Variants in TTN observed in about 807,000 individuals in gnomAD.
The protein encoded by TTN is connectin.
TTN carries 1,525 observed loss-of-function variants against 3,223.0 expected under a neutral mutation model. The observed-to-expected ratio is 0.47, with a 90% confidence interval of 0.45 to 0.49. The LOEUF (loss-of-function observed/expected upper bound fraction) is 0.49, where lower values mean the gene tolerates loss of function less well. Ranked by LOEUF, TTN falls within the 20% of genes least tolerant of loss-of-function variation. The pLI, the probability that TTN is intolerant of heterozygous loss-of-function variation, is 0.00. For missense variants in TTN, 40,786 were observed against 43,424.0 expected, an observed-to-expected ratio of 0.94 and a Z score of 5.40; for synonymous variants, 14,094 against 15,161.0, an observed-to-expected ratio of 0.93 and a Z score of 5.17.
chr2:178,726,169 C>G (rs929972159), intron 69 of TTN, 123 bp from the exon 70 acceptor site: 1 of 1,152,446 alleles, frequency 8.7e-7, no homozygotes. Context: ...GAGTCCAGCA[C>G]TAACACTCTC....
rs1704206132 is a variant in TTN, at chr2:178,562,903, C to T, written c.83229G>A (p.Arg27743=). ...IDNVTRFDSG[R]YNLTLENNSG... ...TATTATTTTCTAATGTCAGATTATA[C>T]CGACCACTGTCAAATCTGGTAACAT... Residue 27743 remains arginine, a synonymous_variant, in exon 326 of 363, where the codon CGG becomes CGA. Coordinates refer to ENST00000589042, the MANE Select transcript of TTN (RefSeq NM_001267550.2). 3 of 1,613,462 alleles carry T rather than the reference C, an allele frequency of 1.9e-6. No homozygotes were observed. The highest frequency in any genetic ancestry group is 2.5e-6 in the Non-Finnish European group (3 of 1,179,700).
At position 178,555,140 on chromosome 2, in the gene TTN, A is replaced by G. The variant is rs1700865316; in HGVS notation, c.88319T>C (p.Ile29440Thr). The G allele has an allele frequency of 1.2e-6, 2 of 1,607,218 alleles. No homozygotes were observed. Among genetic ancestry groups the G allele is most frequent in the Admixed American group, 1.7e-5 (1 of 58,358 alleles). The change falls in exon 331 of 363, where the codon ATT becomes ACT. Residue 29440 changes from isoleucine to threonine, a missense_variant. Physicochemically the swap from Ile to Thr is moderately conservative, Grantham distance 89. Transcript: ENST00000589042. ...TTCTGTATATTCTAGAGGCAAATCA[A>G]TTACAGGACCACCTGCAAGAAAAAC... ...TCIDSYGGPV[I>T]DLPLEYTEVV...
Position 178,547,088 on chromosome 2 carries a change from A to G in TTN, c.94437T>C (p.Tyr31479=), listed in dbSNP as rs1697532441. Residue 31479 remains tyrosine (Y), a synonymous_variant, in exon 340 of 363, where the codon TAT becomes TAC. Transcript: ENST00000589042. ...KVTGLVEGLE[Y]QFRTYALNAA... ...CATTGAGTGCATAAGTTCTGAACTG[A>G]TATTCCAGTCCTTCTACTAAACCAG... 2 of 1,613,726 alleles carry G rather than the reference A, an allele frequency of 1.2e-6. No individual in the cohort carries two copies. Among genetic ancestry groups the G allele is most frequent in the African/African-American group, 2.7e-5 (2 of 74,928 alleles).
At chr2:178,744,175 T>C (rs948034901) in intron 47 of TTN, among the ~76,000 whole-genome samples, 12 of 151,988 alleles carry the variant, frequency 7.9e-5, no homozygotes, top group Non-Finnish European at 2.9e-5. Flanking sequence ...GGTACTTAAA[T>C]ATTGCTAAAT....
In TTN at chr2:178,544,201, C is replaced by T. The variant is rs1296506046; in HGVS notation, c.96028G>A (p.Glu32010Lys). 1 of 1,612,332 alleles carries T rather than the reference C, an allele frequency of 6.2e-7. No homozygotes were observed. The highest frequency in any genetic ancestry group is 1.7e-5 in the Admixed American group (1 of 59,986). ...IAEIEPVERI[E>K]IPDLELADDL... Reference sequence around the variant, plus strand: ...ACCTAAAAGCTTCTGTGATAAATACCTATTCTTTCCACGGGCTCAATTTCA... The same window carrying T: ...ACCTAAAAGCTTCTGTGATAAATACTTATTCTTTCCACGGGCTCAATTTCA... The change falls in exon 345 of 363, where the codon GAA becomes AAA. Residue 32010 changes from glutamate (E) to lysine (K), a missense_variant and splice_region_variant. By Grantham distance (56) the Glu-to-Lys change is moderately conservative (BLOSUM62 1). Coordinates refer to ENST00000589042, the MANE Select transcript of TTN (RefSeq NM_001267550.2).
Position 178,730,760 on chromosome 2 carries a change from G to C in TTN, c.17773C>G (p.Leu5925Val), listed in dbSNP as rs750909367. ...LIIPPSFTKK[L>V]KKMDSIKGSF... ...CCTTTAATGCTGTCCATTTTCTTCA[G>C]CTTTTTGGTGAATGAAGGAGGTATG... Residue 5925 changes from leucine (L) to valine (V), a missense_variant, in exon 61 of 363, where the codon CTG becomes GTG. Physicochemically the swap from Leu to Val is conservative, Grantham distance 32. Transcript: ENST00000589042. 8.1e-6 allele frequency: 13 copies of C among 1,605,616 alleles called. No individual in the cohort carries two copies. Among genetic ancestry groups the C allele is most frequent in the Non-Finnish European group, 1.0e-5 (12 of 1,174,302 alleles).
At chr2:178,527,923 C>T (rs1439853152) in intron 361 of TTN, 175 bp from the exon 362 acceptor site, 1 of 587,280 alleles carries the variant, frequency 1.7e-6, no homozygotes, top group African/African-American at 1.9e-5. Flanking sequence ...AGAGCTAGCT[C>T]AATGTCTCCA....
chr2:178,571,833 T>C lies in TTN; in HGVS notation c.74299A>G (p.Thr24767Ala). 1 of 1,613,600 alleles carries C rather than the reference T, an allele frequency of 6.2e-7. No individual in the cohort carries two copies. Among genetic ancestry groups the C allele is most frequent in the Non-Finnish European group, 8.5e-7 (1 of 1,179,630 alleles). The stretch of plus-strand genomic sequence containing the variant: ...ATTGTCAGTAGTGAATTATTTTCTG[T>C]GCTCTCTGCATTTACTCTAGTTGTC... ...KQTTRVNAES[T>A]ENNSLLTIKD... Residue 24767 changes from threonine to alanine, a missense_variant, in exon 326 of 363, where the codon ACA (threonine) becomes GCA (alanine). Transcript: ENST00000589042.
intron 43 of TTN, among the ~76,000 whole-genome samples, chr2:178,762,214 G>GT (rs1328401582): frequency 1.3e-5 from 2 of 152,158 alleles, no homozygotes; most frequent in African/African-American, 4.8e-5. Context: ...ATGAAACTAT[G>GT]TGAGTTGGCA....
In TTN at chr2:178,590,235, A is replaced by G; in HGVS notation, c.61490T>C (p.Leu20497Pro). The change falls in exon 304 of 363, where the codon CTA becomes CCA. Residue 20497 changes from leucine (L) to proline (P), a missense_variant. Coordinates refer to ENST00000589042, the MANE Select transcript of TTN (RefSeq NM_001267550.2). ...TTCAGGTCTGCCTTTGACTCGAGCT[A>G]GAATGCGGATAGTTTGGCCTACTCT... ...TVRVGQTIRI[L>P]ARVKGRPEPD... 1.9e-6 allele frequency: 3 copies of G among 1,593,042 alleles called. No individual in the cohort carries two copies. Among genetic ancestry groups the G allele is most frequent in the South Asian group, 1.2e-5 (1 of 86,814 alleles).
rs376202976 is a variant in TTN, at chr2:178,543,962, A to G, written c.96182T>C (p.Ile32061Thr). ...CAATGAGTAGCTCTCAGTGGTGTCA[A>G]TAATTGCCCGGCTTGCAAGGTCAAT... ...QGIDLASRAI[I>T]DTTESYSLLI... Residue 32061 changes from isoleucine (I) to threonine (T), a missense_variant, in exon 346 of 363, where the codon ATT becomes ACT. By Grantham distance (89) the Ile-to-Thr change is moderately conservative. Transcript: ENST00000589042. 2.9e-5 allele frequency: 47 copies of G among 1,613,600 alleles called. No individual in the cohort carries two copies. Among genetic ancestry groups the G allele is most frequent in the Middle Eastern group, 1.6e-4 (1 of 6,078 alleles).
chr2:178,531,074 T>C lies in TTN; in HGVS notation c.105541A>G (p.Lys35181Glu), dbSNP rs903998878. Residue 35181 changes from lysine (K) to glutamate (E), a missense_variant, in exon 358 of 363, where the codon AAG becomes GAG. Transcript: ENST00000589042. Reference sequence around the variant, plus strand: ...GAGATCTCAAAGGTTGATTTGTACTTTGTGGTGGTCACTTGGTGGCGGGCA... The same window carrying C: ...GAGATCTCAAAGGTTGATTTGTACTCTGTGGTGGTCACTTGGTGGCGGGCA... ...TSARHQVTTTKYKSTFEISSV... is the reference protein window; with the variant it reads ...TSARHQVTTTEYKSTFEISSV... The C allele has an allele frequency of 6.2e-7, 1 of 1,613,910 alleles. No individual in the cohort carries two copies. The highest frequency in any genetic ancestry group is 1.3e-5 in the African/African-American group (1 of 74,934).
rs2082296296 is a variant in TTN, at chr2:178,740,457, C to T, written c.12776G>A (p.Ser4259Asn). The change falls in exon 48 of 363, where the codon AGT becomes AAT. Residue 4259 changes from serine to asparagine, a missense_variant. Transcript: ENST00000589042. ...RVTLQKQEAQ[S>N]ALILSQSLAE... ...TAAGCTCTGACTCAAGATGAGCGCACTTTGTGCCTCTTGCTTTTGAAGAGT... is the reference window on the plus strand; with the variant it reads ...TAAGCTCTGACTCAAGATGAGCGCATTTTGTGCCTCTTGCTTTTGAAGAGT... The T allele has an allele frequency of 1.9e-6, 3 of 1,613,664 alleles. No homozygotes were observed. The highest frequency in any genetic ancestry group is 2.5e-6 in the Non-Finnish European group (3 of 1,179,776).
At position 178,717,727 on chromosome 2, in the gene TTN, T is replaced by C. The variant is rs886038829; in HGVS notation, c.25147A>G (p.Ile8383Val). ...LGFPVAFECR[I>V]NGSEPLQVSW... is the part of the protein sequence containing the mutation. ...ACTTGAAGAGGTTCTGAGCCATTGA[T>C]GCGGCATTCAAATGCAACTGGGAAG... Residue 8383 changes from isoleucine (I) to valine (V), a missense_variant, in exon 87 of 363, where the codon ATC becomes GTC. Coordinates refer to ENST00000589042, the MANE Select transcript of TTN (RefSeq NM_001267550.2). 2 of 1,613,374 alleles carry C rather than the reference T, an allele frequency of 1.2e-6. No individual in the cohort carries two copies. The highest frequency in any genetic ancestry group is 2.2e-5 in the East Asian group (1 of 44,842).
In TTN at chr2:178,610,084, ACTTACGCTTTGGAT is replaced by A; in HGVS notation, c.51428_51436+5del. The A allele has an allele frequency of 6.2e-7, 1 of 1,612,612 alleles. No individual in the cohort carries two copies. The highest frequency in any genetic ancestry group is 8.5e-7 in the Non-Finnish European group (1 of 1,179,218). On this transcript the variant is annotated splice_donor_variant and splice_donor_5th_base_variant and coding_sequence_variant and intron_variant, in exon 271 of 363. Transcript: ENST00000589042. LOFTEE classifies it high-confidence loss of function. ...TTAGCCATAGTGCATCCATGTCCAAACTTACGCTTTGGATCTTGAGCAATGACTGGATTTTTCAG... is the reference window on the plus strand; with the variant it reads ...TTAGCCATAGTGCATCCATGTCCAAACTTGAGCAATGACTGGATTTTTCAG...
Position 178,568,024 on chromosome 2 carries a change from C to A in TTN, c.78108G>T (p.Leu26036Phe), listed in dbSNP as rs904868866. 1.9e-6 allele frequency: 3 copies of A among 1,613,372 alleles called. No individual in the cohort carries two copies. Among genetic ancestry groups the A allele is most frequent in the Non-Finnish European group, 2.5e-6 (3 of 1,179,584 alleles). ...TAATAGTTTTGTTGACCTTTGTCCA[C>A]AAAATACTGTTTCTTTCTTTTCTCT... ...HLERKERNSI[L>F]WTKVNKTIIH... The change falls in exon 326 of 363, where the codon TTG becomes TTT. Residue 26036 changes from leucine (L) to phenylalanine (F), a missense_variant. Coordinates refer to ENST00000589042, the MANE Select transcript of TTN (RefSeq NM_001267550.2).
chr2:178,747,474 T>A lies in TTN; in HGVS notation c.11312-5553A>T, dbSNP rs1253338105. 5 of 1,613,308 alleles carry A rather than the reference T, an allele frequency of 3.1e-6. No homozygotes were observed. The highest frequency in any genetic ancestry group is 4.2e-6 in the Non-Finnish European group (5 of 1,179,616). On this transcript the variant is annotated intron_variant, in intron 47 of 362. Transcript: ENST00000589042. ...AACTCAGATATTTCTTCACTGGTTG[T>A]ACTTCCCACACCAATGGAAATGTCA...
At chr2:178,790,941 G>A (rs972512283) in intron 10 of TTN, 96 bp from the exon 11 acceptor site, 7 of 1,436,342 alleles carry the variant, frequency 4.9e-6, no homozygotes, top group Non-Finnish European at 6.7e-6. Context: ...AGGATGCTTA[G>A]TGGTGAACGA....
rs557840068 is a variant in TTN, at chr2:178,688,126, C to T, written c.32296G>A (p.Val10766Ile). 6.2e-7 allele frequency: 1 copy of T among 1,612,606 alleles called. No individual in the cohort carries two copies. ...CATTGTTTACCTTCATATTCTGTAA[C>T]CTCTGCTTCTTCCTCCTCCTCTCTT... is the stretch of plus-strand genomic sequence containing the variant. ...EEREEEEEAE[V>I]TEYEVMEEPE... Residue 10766 changes from valine (V) to isoleucine (I), a missense_variant, in exon 127 of 363, where the codon GTT (valine) becomes ATT (isoleucine). Val to Ile is a conservative substitution (Grantham distance 29). Transcript: ENST00000589042.
Sources: allele counts gnomAD v4.1 joint callset (sites outside exome capture counted in the v4.1 genomes callset), GRCh38; gene constraint gnomAD v4.1.1; transcripts MANE v1.5; gene names NCBI Gene and HGNC (gene_info 2026-07-23, HGNC 2026-07-21).